Variants in PDZD2 observed in about 807,000 individuals in gnomAD.
The protein encoded by PDZD2 is PDZ domain-containing protein 2.
In PDZD2, 90 loss-of-function variants were observed where a neutral mutation model predicts 220.7. That is an observed-to-expected ratio of 0.41 (90% CI 0.34 to 0.49). PDZD2 has a LOEUF of 0.49. PDZD2 is among the 20% of genes least tolerant of loss of function. The probability of loss-of-function intolerance (pLI) is 0.28; values close to 1 mark genes in which losing one functional copy is unlikely to be tolerated. For missense variants in PDZD2, 3,174 were observed against 3,608.5 expected (o/e 0.88, Z 3.08); for synonymous variants, 1,375 against 1,450.5 (o/e 0.95, Z 1.18).
At position 32,077,493 on chromosome 5, in the gene PDZD2, C is replaced by A; in HGVS notation, c.3569C>A (p.Ala1190Asp). 1.2e-6 allele frequency: 2 copies of A among 1,614,040 alleles called. No individual in the cohort carries two copies. Among genetic ancestry groups the A allele is most frequent in the Non-Finnish European group, 1.7e-6 (2 of 1,179,944 alleles). Reference protein sequence around the residue: ...ESLGKLTTGDACVSTSCELAS... With the variant: ...ESLGKLTTGDDCVSTSCELAS... ...CTGGGAAAGCTGACCACTGGAGATGCTTGTGTCTCTACCAGCTGTGAACTA... is the reference window on the plus strand; with the variant it reads ...CTGGGAAAGCTGACCACTGGAGATGATTGTGTCTCTACCAGCTGTGAACTA... Residue 1190 changes from alanine (A) to aspartate (D), a missense_variant, in exon 19 of 25, where the codon GCT (alanine) becomes GAT (aspartate). Ala to Asp is a moderately radical substitution (Grantham distance 126). This residue lies in a region of PDZD2 where 1,861 missense variants were observed against 2,001.0 expected (regional missense o/e 0.93). Coordinates refer to ENST00000438447, the MANE Select transcript of PDZD2 (RefSeq NM_178140.4).
chr5:31,798,458 C>T (rs114945284), intron 1 of PDZD2, among the ~76,000 whole-genome samples: 1,569 of 152,280 alleles, frequency 0.01, 13 homozygotes, highest in Non-Finnish European at 0.014. Flanking sequence ...GGAGAGCCTT[C>T]CTGTGTGTAC....
intron 2 of PDZD2, among the ~76,000 whole-genome samples, chr5:31,900,507 A>T (rs1326996255): frequency 1.1e-5 from 1 of 94,000 alleles, no homozygotes; most frequent in African/African-American, 3.0e-5. Context: ...TTTCTTAAGA[A>T]GGGAAAAGGG....
Position 31,813,449 on chromosome 5 carries a change from CAAAAAAAAA to C in PDZD2, c.476+13743_476+13751del, listed in dbSNP as rs60551914. Among the ~76,000 whole-genome samples the C allele has an allele frequency of 5.6e-4, 53 of 94,198 alleles. No individual in the cohort carries two copies. In the East Asian group the frequency reaches 9.2e-3, roughly 16 times the overall value. The allele number at this position is 94,198 out of a possible 152,430, so 61.8% of individuals were successfully genotyped here. A position where few individuals can be genotyped will look rare whatever the true frequency, so the allele number is the denominator to read the frequency against. On this transcript the variant is annotated intron_variant, in intron 2 of 24. Coordinates refer to ENST00000438447, the MANE Select transcript of PDZD2 (RefSeq NM_178140.4). ...TGGGCGACAGAGCGAGACTCCGTCT[CAAAAAAAAA>C]AAAAAAAAAAAAAAAAATCTAAATA...
chr5:31,951,444 C>T (rs1293647290), intron 2 of PDZD2, among the ~76,000 whole-genome samples: 1 of 152,162 alleles, frequency 6.6e-6, no homozygotes, highest in Non-Finnish European at 1.5e-5. Flanking sequence ...CTCTCAAAGG[C>T]TCGACCTCTT....
At position 32,087,576 on chromosome 5, in the gene PDZD2, T is replaced by A; in HGVS notation, c.4128T>A (p.Pro1376=). The change falls in exon 20 of 25, where the codon CCT becomes CCA. Residue 1376 remains proline, a synonymous_variant. Coordinates refer to ENST00000438447, the MANE Select transcript of PDZD2 (RefSeq NM_178140.4). This position sits in a 1 kb window ranked among gnomAD's most constrained non-coding sequence, Gnocchi z 4.0. The part of the protein sequence containing the change: ...GIHAPESSQE[P]SLLEGADSVS... ...ATGCACCTGAAAGCTCCCAGGAGCCTTCCCTGCTGGAGGGAGCAGATTCTG... is the reference window on the plus strand; with the variant it reads ...ATGCACCTGAAAGCTCCCAGGAGCCATCCCTGCTGGAGGGAGCAGATTCTG... 3 of 1,614,038 alleles carry A rather than the reference T, an allele frequency of 1.9e-6. No individual in the cohort carries two copies. Among genetic ancestry groups the A allele is most frequent in the Non-Finnish European group, 2.5e-6 (3 of 1,179,950 alleles).
In PDZD2 at chr5:31,689,334, T is replaced by TGC. The variant is rs1385294695; in HGVS notation, c.-361+49897_-361+49898insGC. Among the ~76,000 whole-genome samples, 193 of 57,024 alleles carry TGC rather than the reference T, an allele frequency of 3.4e-3. 13 individuals are homozygous for TGC. Among genetic ancestry groups the TGC allele is most frequent in the Middle Eastern group, 6.7e-3 (1 of 150 alleles). 37.4% of individuals were successfully genotyped at this position (57,024 alleles called of 152,430 possible). The stretch of plus-strand genomic sequence containing the variant: ...ATACATATACACATATATATACATA[T>TGC]ACATATATATATATATATATTTTTT... On this transcript the variant is annotated intron_variant, in intron 1 of 24. Coordinates refer to ENST00000438447, the MANE Select transcript of PDZD2 (RefSeq NM_178140.4).
At chr5:32,006,298 C>A (rs1423169704) in intron 5 of PDZD2, among the ~76,000 whole-genome samples, 1 of 151,724 alleles carries the variant, frequency 6.6e-6, no homozygotes, top group Non-Finnish European at 1.5e-5. Flanking sequence ...ATTACTTTAA[C>A]CTGCTTTTTC....
chr5:32,100,771 A>G, intron 23 of PDZD2: 1 of 659,734 alleles, frequency 1.5e-6, no homozygotes, highest in Non-Finnish European at 2.4e-6. Context: ...CCTCACTGAG[A>G]AGTGCACAGC....
At position 32,053,816 on chromosome 5, in the gene PDZD2, G is replaced by C; in HGVS notation, c.1833G>C (p.Gln611His). 1.2e-6 allele frequency: 2 copies of C among 1,613,752 alleles called. No individual in the cohort carries two copies. Among genetic ancestry groups the C allele is most frequent in the South Asian group, 2.2e-5 (2 of 91,076 alleles). ...GAGGTCGAGACTGCATTCGTGGACA[G>C]ATGGGGATTTTTGTCAAGACCATCT... The part of the protein sequence containing the change: ...IAGGRDCIRG[Q>H]MGIFVKTIFP... Residue 611 changes from glutamine (Q) to histidine (H), a missense_variant, in exon 10 of 25, where the codon CAG becomes CAC. By Grantham distance (24) the Gln-to-His change is conservative. Transcript: ENST00000438447.
At chr5:32,048,777 T>C in intron 8 of PDZD2, 93 bp downstream of exon 8, 1 of 1,308,660 alleles carries the variant, frequency 7.6e-7, no homozygotes, top group South Asian at 1.3e-5. Flanking sequence ...TGTCTGGGGC[T>C]AGAGAAGTGG....
At chr5:32,023,034 G>T (rs1041960755) in intron 6 of PDZD2, among the ~76,000 whole-genome samples, 8 of 152,150 alleles carry the variant, frequency 5.3e-5, no homozygotes, top group African/African-American at 1.9e-4. Flanking sequence ...ATGGAGAGGC[G>T]GGAAGCCGTG....
chr5:31,875,846 T>A (rs1739256434), intron 2 of PDZD2, among the ~76,000 whole-genome samples: 1 of 151,886 alleles, frequency 6.6e-6, no homozygotes, highest in Non-Finnish European at 1.5e-5. Flanking sequence ...TGTCTATTCC[T>A]GCATCAATGT....
chr5:31,912,786 G>T (rs1227220872), intron 2 of PDZD2, among the ~76,000 whole-genome samples: 5 of 152,150 alleles, frequency 3.3e-5, no homozygotes, highest in South Asian at 2.1e-4. Flanking sequence ...GTGGAGGAAG[G>T]CTTTCTTCTG....
chr5:31,734,036 C>T (rs1017210852), intron 1 of PDZD2, among the ~76,000 whole-genome samples: 7 of 152,286 alleles, frequency 4.6e-5, no homozygotes, highest in Non-Finnish European at 1.5e-5. Context: ...TCTGACTGAC[C>T]AGCTGTAAAA....
At chr5:31,974,903 C>T (rs116327484) in intron 2 of PDZD2, among the ~76,000 whole-genome samples, 1,596 of 152,096 alleles carry the variant, frequency 0.01, 7 homozygotes, top group African/African-American at 0.014. Context: ...ATAGTGAGAC[C>T]GTGTCTCAGA....
chr5:31,708,382 G>A (rs1020337030), intron 1 of PDZD2, among the ~76,000 whole-genome samples: 55 of 152,348 alleles, frequency 3.6e-4, no homozygotes, highest in African/African-American at 1.3e-3. Flanking sequence ...GAGGGGCCAC[G>A]TGGCAGGAGC....
At chr5:31,850,282 G>C (rs1016884664) in intron 2 of PDZD2, among the ~76,000 whole-genome samples, 13 of 135,898 alleles carry the variant, frequency 9.6e-5, no homozygotes, top group Admixed American at 7.0e-4. Context: ...TTATCATCTA[G>C]TTAATGTCCA....
rs1321910270 is a variant in PDZD2, at chr5:31,916,967, T to C, written c.477-66188T>C. Reference sequence around the variant, plus strand: ...TAAACTCCATAAAACCATGTGCAAATGTGGGGAACTTAGGCTGGCATGAGT... The same window carrying C: ...TAAACTCCATAAAACCATGTGCAAACGTGGGGAACTTAGGCTGGCATGAGT... On this transcript the variant is annotated intron_variant, in intron 2 of 24. Coordinates refer to ENST00000438447, the MANE Select transcript of PDZD2 (RefSeq NM_178140.4). Among the ~76,000 whole-genome samples, 5 of 152,052 alleles carry C rather than the reference T, an allele frequency of 3.3e-5. No homozygotes were observed. In the East Asian group the frequency reaches 9.7e-4, roughly 29 times the overall value.
At chr5:31,990,617 T>C (rs1561280862) in intron 3 of PDZD2, among the ~76,000 whole-genome samples, 1 of 152,234 alleles carries the variant, frequency 6.6e-6, no homozygotes, top group Non-Finnish European at 1.5e-5. Flanking sequence ...AGGACCATCA[T>C]GGAACTGTAA....
Sources: allele counts gnomAD v4.1 joint callset (sites outside exome capture counted in the v4.1 genomes callset), GRCh38; gene constraint gnomAD v4.1.1; regional missense constraint gnomAD v4.1.1; non-coding constraint Gnocchi (gnomAD v3.1); transcripts MANE v1.5; gene names NCBI Gene and HGNC (gene_info 2026-07-23, HGNC 2026-07-21).